Variants in STX18 observed in about 807,000 individuals in gnomAD.
The protein encoded by STX18 is syntaxin-18.
Under a neutral mutation model 50.1 loss-of-function variants are expected in STX18, and 40 were observed. The ratio of observed to expected loss-of-function variants is 0.80; its 90% CI spans 0.62 to 1.04. The LOEUF (loss-of-function observed/expected upper bound fraction) is 1.04, where lower values mean the gene tolerates loss of function less well. STX18 is among the 50% of genes least tolerant of loss of function. The pLI, the probability that STX18 is intolerant of heterozygous loss-of-function variation, is 0.00. For missense variants in STX18, 410 were observed against 415.8 expected (o/e 0.99, Z 0.12); for synonymous variants, 158 against 151.8 (o/e 1.04, Z -0.30).
intron 1 of STX18, among the ~76,000 whole-genome samples, chr4:4,539,583 C>T (rs1322144309): frequency 6.6e-6 from 1 of 152,198 alleles, no homozygotes; most frequent in African/African-American, 2.4e-5. Context: ...AACAACACAG[C>T]CCATGAACTC....
Position 4,425,317 on chromosome 4 carries a change from A to C in STX18, c.703-95T>G, listed in dbSNP as rs954905904. 82 of 1,150,896 alleles carry C rather than the reference A, an allele frequency of 7.1e-5. 1 individual carries two copies. The highest frequency in any genetic ancestry group is 6.1e-5 in the African/African-American group (4 of 65,798). 71.3% of individuals were successfully genotyped at this position (1,150,896 alleles called of 1,614,324 possible). On this transcript the variant is annotated intron_variant, in intron 7 of 10. Coordinates refer to ENST00000306200, the MANE Select transcript of STX18 (RefSeq NM_016930.4). ...ACCTACGCTCCAGGAATCACTGCCG[A>C]AGCCCCCATTTCCAGCTGCGGCAAC...
intron 1 of STX18, among the ~76,000 whole-genome samples, chr4:4,532,656 A>T (rs1358368886): frequency 1.3e-5 from 2 of 152,248 alleles, no homozygotes; most frequent in African/African-American, 4.8e-5. Flanking sequence ...CATTAAAAAA[A>T]TCAGAAGAGT....
intron 1 of STX18, among the ~76,000 whole-genome samples, chr4:4,479,448 T>A (rs1728352445): frequency 6.6e-6 from 1 of 152,182 alleles, no homozygotes. Flanking sequence ...AGGGACATAG[T>A]GAGATCTAAC....
chr4:4,470,562 A>G lies in STX18; in HGVS notation c.236+1077T>C, dbSNP rs369509656. Among the ~76,000 whole-genome samples the G allele has an allele frequency of 5.3e-5, 8 of 152,218 alleles. No individual in the cohort carries two copies. In the South Asian group the frequency reaches 8.3e-4, roughly 16 times the overall value. ...AGACAGATAATAAACTGTAATTATT[A>G]AATAATTACAAATTGTGTTTTGTTA... On this transcript the variant is annotated intron_variant, in intron 2 of 10. Coordinates refer to ENST00000306200, the MANE Select transcript of STX18 (RefSeq NM_016930.4).
At chr4:4,491,066 T>G (rs1577370181) in intron 1 of STX18, among the ~76,000 whole-genome samples, 2 of 152,190 alleles carry the variant, frequency 1.3e-5, no homozygotes, top group East Asian at 1.9e-4. Flanking sequence ...GTTCAAACAT[T>G]CGGCTTATAG....
chr4:4,438,324 C>A, intron 6 of STX18, 70 bp downstream of exon 6: 1 of 1,187,276 alleles, frequency 8.4e-7, no homozygotes, highest in South Asian at 1.3e-5. Flanking sequence ...CTACTTCGTT[C>A]CTGTGCTGTA....
chr4:4,531,677 G>A (rs1433168872), intron 1 of STX18, among the ~76,000 whole-genome samples: 1 of 152,116 alleles, frequency 6.6e-6, no homozygotes, highest in Non-Finnish European at 1.5e-5. Flanking sequence ...TGCTCTTCAA[G>A]GATCTGCTCC....
intron 5 of STX18, among the ~76,000 whole-genome samples, chr4:4,445,424 C>G (rs1436578925): frequency 6.7e-6 from 1 of 149,328 alleles, no homozygotes; most frequent in Non-Finnish European, 1.5e-5. Flanking sequence ...ACAACAAAAA[C>G]AAAAAACAAA....
At chr4:4,538,969 T>C (rs1157755954) in intron 1 of STX18, among the ~76,000 whole-genome samples, 11 of 152,156 alleles carry the variant, frequency 7.2e-5, no homozygotes, top group African/African-American at 2.7e-4. Flanking sequence ...AGACATGCAT[T>C]TGAGTATATA....
chr4:4,448,629 A>T (rs1726566516), intron 5 of STX18, among the ~76,000 whole-genome samples: 1 of 152,194 alleles, frequency 6.6e-6, no homozygotes, highest in African/African-American at 2.4e-5. Flanking sequence ...GGCATGAGCC[A>T]CCGCGCCCAG....
intron 1 of STX18, among the ~76,000 whole-genome samples, chr4:4,494,563 A>G (rs1421622831): frequency 1.3e-5 from 2 of 152,196 alleles, no homozygotes; most frequent in Non-Finnish European, 2.9e-5. Context: ...ATAGGTAAGA[A>G]CAGTGTGGCT....
In STX18 at chr4:4,420,150, A is replaced by G. The variant is rs755919725; in HGVS notation, c.913-21T>C. On this transcript the variant is annotated intron_variant, in intron 10 of 10. Transcript: ENST00000306200. The surrounding 1 kb of genome is among the most constrained non-coding windows in gnomAD (Gnocchi z 4.3). ...ATGGCCTGGGCAGGGACGGGAGCAC[A>G]GGTGTTTTTATCACACAGGATTTTG... The G allele has an allele frequency of 2.5e-6, 4 of 1,590,808 alleles. No homozygotes were observed. Among genetic ancestry groups the G allele is most frequent in the Non-Finnish European group, 2.6e-6 (3 of 1,168,612 alleles).
At chr4:4,448,146 G>A (rs900066379) in intron 5 of STX18, among the ~76,000 whole-genome samples, 12 of 152,100 alleles carry the variant, frequency 7.9e-5, no homozygotes, top group Non-Finnish European at 1.8e-4. Context: ...CTGACCTGAT[G>A]CCCTCCCACG....
chr4:4,509,599 A>C (rs575797556), intron 1 of STX18, among the ~76,000 whole-genome samples: 1 of 152,302 alleles, frequency 6.6e-6, no homozygotes, highest in East Asian at 1.9e-4. Flanking sequence ...GCCATATTTT[A>C]GACAAATAAT....
chr4:4,463,332 A>C (rs1251444635), intron 2 of STX18, among the ~76,000 whole-genome samples: 1 of 152,270 alleles, frequency 6.6e-6, no homozygotes, highest in African/African-American at 2.4e-5. Context: ...CTTGAATTTC[A>C]CATAATGTTC....
chr4:4,428,656 C>T (rs1336187750), intron 7 of STX18, among the ~76,000 whole-genome samples: 1 of 152,138 alleles, frequency 6.6e-6, no homozygotes, highest in Non-Finnish European at 1.5e-5. Flanking sequence ...CTGTGGCTCT[C>T]AGCCATTTCA....
At chr4:4,520,703 C>T (rs1011828864) in intron 1 of STX18, among the ~76,000 whole-genome samples, 27 of 152,118 alleles carry the variant, frequency 1.8e-4, no homozygotes, top group African/African-American at 5.3e-4. Flanking sequence ...AGGCCCCAAA[C>T]CAAAGCTTCC....
chr4:4,485,859 C>T (rs1246242110), intron 1 of STX18, among the ~76,000 whole-genome samples: 1 of 152,192 alleles, frequency 6.6e-6, no homozygotes, highest in Non-Finnish European at 1.5e-5. Flanking sequence ...TCCTTTTTCT[C>T]GATGCTACTG....
At chr4:4,432,242 A>G (rs1019128146) in intron 7 of STX18, among the ~76,000 whole-genome samples, 2 of 152,266 alleles carry the variant, frequency 1.3e-5, no homozygotes, top group African/African-American at 4.8e-5. Flanking sequence ...TTTCAAGGCG[A>G]TGATTTTAAA....
Sources: allele counts gnomAD v4.1 joint callset (sites outside exome capture counted in the v4.1 genomes callset), GRCh38; gene constraint gnomAD v4.1.1; non-coding constraint Gnocchi (gnomAD v3.1); transcripts MANE v1.5; gene names NCBI Gene and HGNC (gene_info 2026-07-23, HGNC 2026-07-21).